The following COL21A1 variants were observed in gnomAD, a reference collection of about 807,000 sequenced individuals.
COL21A1 encodes the protein collagen alpha-1(XXI) chain.
A neutral mutation model predicts 137.9 loss-of-function variants in COL21A1; 149 were observed. That is an observed-to-expected ratio of 1.08 (90% CI 0.95 to 1.24). The LOEUF (loss-of-function observed/expected upper bound fraction) is 1.24, where lower values mean the gene tolerates loss of function less well. Ranked by LOEUF, COL21A1 falls within the 50% of genes most tolerant of loss-of-function variation. The pLI is 0.00. For synonymous variants in COL21A1, 456 were observed against 391.5 expected (o/e 1.16, Z -1.95); for missense variants, 1,167 against 1,158.4 (o/e 1.01, Z -0.11).
At chr6:56,343,897 A>C (rs1306595988) in intron 1 of COL21A1, among the ~76,000 whole-genome samples, 1 of 152,160 alleles carries the variant, frequency 6.6e-6, no homozygotes, top group Admixed American at 6.5e-5. Flanking sequence ...AGTGAGCCAT[A>C]ACTGTACGAC....
rs75970267 is a variant in COL21A1, at chr6:56,342,082, C to T, written c.-39+51889G>A. 3.1e-4 allele frequency among the ~76,000 whole-genome samples: 47 copies of T among 152,252 alleles called. No individual in the cohort carries two copies. The East Asian group carries it at 8.7e-3, about 28-fold the overall frequency. The stretch of plus-strand genomic sequence containing the variant: ...TGGGCTCCAGTGTTTGTATTTCATG[C>T]TAAACAAAGTTTGTATTTGGTGCTG... On this transcript the variant is annotated intron_variant, in intron 1 of 28. Transcript: ENST00000370819.
rs542837456 is a variant in COL21A1 at position 56,245,421 on chromosome 6, T to C, written c.-39+1966A>G. The stretch of plus-strand genomic sequence containing the variant: ...AAATTATAAGGATAATTTGAGGATG[T>C]CCATATAGTCACCTTCTAAGAGTGC... On this transcript the variant is annotated intron_variant, in intron 1 of 29. Transcript: ENST00000244728. Among the ~76,000 whole-genome samples, 10 of 152,300 alleles carry C rather than the reference T, an allele frequency of 6.6e-5. No homozygotes were observed. In the South Asian group the frequency reaches 2.1e-3, roughly 32 times the overall value.
At chr6:56,077,849 A>T (rs1767382405) in intron 17 of COL21A1, 3 of 399,240 alleles carry the variant, frequency 7.5e-6, no homozygotes, top group East Asian at 5.4e-5. Context: ...CCAACACATG[A>T]GTGATAAAAT....
chr6:56,346,311 T>G (rs1391069257), intron 1 of COL21A1, among the ~76,000 whole-genome samples: 2 of 152,218 alleles, frequency 1.3e-5, no homozygotes, highest in South Asian at 2.1e-4. Context: ...GGTTTGCCTA[T>G]TCCTCAAATT....
intron 1 of COL21A1, among the ~76,000 whole-genome samples, chr6:56,265,888 G>A (rs1432068981): frequency 6.6e-6 from 1 of 151,722 alleles, no homozygotes; most frequent in African/African-American, 2.4e-5. Context: ...AGCTTTAGAA[G>A]AAAATTACAT....
At chr6:56,113,779 A>G in intron 16 of COL21A1, among the ~76,000 whole-genome samples, 1 of 152,004 alleles carries the variant, frequency 6.6e-6, no homozygotes, top group Non-Finnish European at 1.5e-5. Flanking sequence ...CAATTCCAGG[A>G]CTCGACTCTT....
At chr6:56,116,396 TA>T (rs370697652) in intron 16 of COL21A1, among the ~76,000 whole-genome samples, 1,044 of 90,766 alleles carry the variant, frequency 0.012, 12 homozygotes, top group African/African-American at 0.041. Context: ...GTGCCAAAGG[TA>T]AAAAAAAAAA....
At chr6:56,258,726 C>A (rs1268768500) in intron 1 of COL21A1, among the ~76,000 whole-genome samples, 2 of 152,092 alleles carry the variant, frequency 1.3e-5, no homozygotes, top group Non-Finnish European at 2.9e-5. Context: ...GTAGGACCTC[C>A]AGAAATATTT....
At chr6:56,280,816 C>T (rs897421855) in intron 1 of COL21A1, among the ~76,000 whole-genome samples, 7 of 152,052 alleles carry the variant, frequency 4.6e-5, no homozygotes, top group Middle Eastern at 3.4e-3. Flanking sequence ...TTCAAGACCA[C>T]CCTGGGCAAC....
chr6:56,163,641 G>A (rs1424226194), intron 9 of COL21A1, among the ~76,000 whole-genome samples: 2 of 151,760 alleles, frequency 1.3e-5, no homozygotes, highest in Non-Finnish European at 2.9e-5. Flanking sequence ...CCCGGGAGGC[G>A]GAGCTTGCAG....
intron 12 of COL21A1, among the ~76,000 whole-genome samples, chr6:56,135,105 T>C (rs913854797): frequency 1.3e-5 from 2 of 152,086 alleles, no homozygotes; most frequent in African/African-American, 4.8e-5. Context: ...TTTCTATTTA[T>C]ATACAAAGAT....
chr6:56,102,002 T>C (rs1420713027), intron 16 of COL21A1, among the ~76,000 whole-genome samples: 1 of 152,170 alleles, frequency 6.6e-6, no homozygotes, highest in Non-Finnish European at 1.5e-5. Flanking sequence ...TCTGGCACTT[T>C]AGTATATACG....
At chr6:56,087,184 GT>G (rs1190553758) in intron 17 of COL21A1, among the ~76,000 whole-genome samples, 3 of 152,166 alleles carry the variant, frequency 2.0e-5, no homozygotes, top group Non-Finnish European at 4.4e-5. Flanking sequence ...TTTAGACACA[GT>G]TTTCTCCAGT....
intron 1 of COL21A1, among the ~76,000 whole-genome samples, chr6:56,297,742 A>G (rs1764194655): frequency 6.6e-6 from 1 of 152,144 alleles, no homozygotes. Flanking sequence ...AGTTATACAC[A>G]ATGAAGTTAT....
chr6:56,265,160 C>T (rs1582742579), intron 1 of COL21A1, among the ~76,000 whole-genome samples: 1 of 152,166 alleles, frequency 6.6e-6, no homozygotes, highest in South Asian at 2.1e-4. Flanking sequence ...CGGAAGTCTT[C>T]AAGCTACTTG....
At chr6:56,392,156 G>GCA (rs1177320313) in intron 1 of COL21A1, among the ~76,000 whole-genome samples, 2 of 152,140 alleles carry the variant, frequency 1.3e-5, no homozygotes, top group Non-Finnish European at 2.9e-5. Flanking sequence ...TCATGATCAA[G>GCA]TGGGATTCAT....
chr6:56,305,746 T>A (rs1473801311), intron 1 of COL21A1, among the ~76,000 whole-genome samples: 8 of 152,056 alleles, frequency 5.3e-5, no homozygotes, highest in Admixed American at 3.3e-4. Context: ...TTAAGGTTAA[T>A]ATTGTTATGT....
chr6:56,128,577 C>T (rs898770072), intron 12 of COL21A1, among the ~76,000 whole-genome samples: 1 of 152,138 alleles, frequency 6.6e-6, no homozygotes, highest in Non-Finnish European at 1.5e-5. Flanking sequence ...ACTGGCTGAC[C>T]GCATTCTGGA....
intron 1 of COL21A1, among the ~76,000 whole-genome samples, chr6:56,366,762 C>T (rs973137773): frequency 2.6e-4 from 40 of 152,276 alleles, no homozygotes; most frequent in Admixed American, 1.6e-3. Flanking sequence ...CACACTTCCA[C>T]GAGTGGAAAA....
Sources: gnomAD v4.1 joint callset for allele counts (sites outside exome capture counted in the v4.1 genomes callset) on GRCh38, gnomAD v4.1.1 for gene constraint, MANE v1.5 for transcripts, NCBI Gene and HGNC (gene_info 2026-07-23, HGNC 2026-07-21) for gene names.